Variants in PTPRN2 observed in about 807,000 individuals in gnomAD.
PTPRN2 encodes protein tyrosine phosphatase receptor type N2.
In PTPRN2, 74 loss-of-function variants were observed where a neutral mutation model predicts 118.8. That is an observed-to-expected ratio of 0.62 (90% CI 0.52 to 0.76). The LOEUF is 0.76. Ranked by LOEUF, PTPRN2 falls within the 30% of genes least tolerant of loss-of-function variation. PTPRN2 has a pLI of 0.00. For synonymous variants in PTPRN2, 641 were observed against 608.0 expected, an observed-to-expected ratio of 1.05 and a Z score of -0.80; for missense variants, 1,481 against 1,394.4, an observed-to-expected ratio of 1.06 and a Z score of -0.99.
chr7:157,773,906 T>C (rs1265980530), intron 12 of PTPRN2, among the ~76,000 whole-genome samples: 16 of 152,378 alleles, frequency 1.1e-4, no homozygotes, highest in Non-Finnish European at 2.9e-5. Flanking sequence ...ACATCCTAAG[T>C]GTCATACAGA....
rs766087940 is a variant in PTPRN2, at chr7:157,935,550, TC to T, written c.1724-36814del. ...CTCTTCTCCGTCTTTCCCTTTACGTTCTTGAACAGATCTGGAATTGTTGTTA... is the reference window on the plus strand; with the variant it reads ...CTCTTCTCCGTCTTTCCCTTTACGTTTTGAACAGATCTGGAATTGTTGTTA... On this transcript the variant is annotated intron_variant, in intron 11 of 22. Coordinates refer to ENST00000389418, the MANE Select transcript of PTPRN2 (RefSeq NM_002847.5). Among the ~76,000 whole-genome samples, 3 of 152,232 alleles carry T rather than the reference TC, an allele frequency of 2.0e-5. No homozygotes were observed. The South Asian group carries it at 6.2e-4, about 31-fold the overall frequency.
chr7:157,643,504 G>T (rs370758409), intron 14 of PTPRN2, among the ~76,000 whole-genome samples: 22 of 152,356 alleles, frequency 1.4e-4, no homozygotes, highest in East Asian at 1.2e-3. Context: ...TGTGGCGGAG[G>T]TGTGGGGGCT....
At chr7:158,071,627 CGTGGTGGTGGAGATG>C (rs1563392510) in intron 11 of PTPRN2, among the ~76,000 whole-genome samples, 1 of 86,632 alleles carries the variant, frequency 1.2e-5, no homozygotes. Context: ...TGGAGGTGCT[CGTGGTGGTGGAGATG>C]CTCGTGGTGA....
At chr7:158,352,845 C>T (rs1808108247) in intron 2 of PTPRN2, among the ~76,000 whole-genome samples, 2 of 152,244 alleles carry the variant, frequency 1.3e-5, no homozygotes, top group South Asian at 4.1e-4. Flanking sequence ...GAGACATTAA[C>T]CTTTCTGAGC....
At position 157,869,364 on chromosome 7, in the gene PTPRN2, A is replaced by G. The variant is rs1029756753; in HGVS notation, c.1788+29309T>C. Among the ~76,000 whole-genome samples the G allele has an allele frequency of 6.6e-6, 1 of 152,262 alleles. No individual in the cohort carries two copies. On this transcript the variant is annotated intron_variant, in intron 12 of 22. Coordinates refer to ENST00000389418, the MANE Select transcript of PTPRN2 (RefSeq NM_002847.5). The surrounding 1 kb of genome is among the most constrained non-coding windows in gnomAD (Gnocchi z 4.2). ...AGTTACACTTAATGCCAAAGTAAAG[A>G]AAAAGTTTACATTTTTCCTGAGTTA...
rs574774322 is a variant in PTPRN2, at chr7:158,227,729, A to C, written c.278-22456T>G. ...GCTGGTGAGCAGAGTGTGAAGGATG[A>C]TCCCATGCAGGAAGCCTGTAGGCTT... On this transcript the variant is annotated intron_variant, in intron 3 of 22. Transcript: ENST00000389418. Among the ~76,000 whole-genome samples the C allele has an allele frequency of 1.5e-4, 22 of 151,318 alleles. 1 individual carries two copies. The South Asian group carries it at 4.4e-3, about 30-fold the overall frequency.
chr7:158,264,960 C>T (rs911191576), intron 3 of PTPRN2, among the ~76,000 whole-genome samples: 1 of 152,074 alleles, frequency 6.6e-6, no homozygotes, highest in Admixed American at 6.5e-5. Context: ...CCCTCACCTG[C>T]TAGAGCAGTC....
In PTPRN2 at chr7:157,585,537, A is replaced by G. The variant is rs1800628140; in HGVS notation, c.2497-7397T>C. ...TGTGACCACCGTGGGTGCCTTTGTGATCAGGCATTGGACCCGCACAGGAAG... is the reference window on the plus strand; with the variant it reads ...TGTGACCACCGTGGGTGCCTTTGTGGTCAGGCATTGGACCCGCACAGGAAG... On this transcript the variant is annotated intron_variant, in intron 17 of 22. Transcript: ENST00000389418. The surrounding 1 kb of genome is among the most constrained non-coding windows in gnomAD (Gnocchi z 5.2). Among the ~76,000 whole-genome samples the G allele has an allele frequency of 1.3e-5, 2 of 152,148 alleles. No individual in the cohort carries two copies. The highest frequency in any genetic ancestry group is 1.3e-4 in the Admixed American group (2 of 15,274).
chr7:158,085,236 C>T (rs1046935033), intron 10 of PTPRN2, among the ~76,000 whole-genome samples: 1 of 136,578 alleles, frequency 7.3e-6, no homozygotes, highest in African/African-American at 2.9e-5. Flanking sequence ...CCATCCACAC[C>T]CACGACACCC....
chr7:158,461,739 G>A (rs1248438317), intron 2 of PTPRN2, among the ~76,000 whole-genome samples: 1 of 152,216 alleles, frequency 6.6e-6, no homozygotes, highest in East Asian at 1.9e-4. Flanking sequence ...GAGGCTGACT[G>A]CACTGTTCCC....
chr7:158,492,956 GGCCAAGAAGCTAAATC>G, intron 1 of PTPRN2, among the ~76,000 whole-genome samples: 1 of 152,356 alleles, frequency 6.6e-6, no homozygotes, highest in African/African-American at 2.4e-5. Context: ...GTCATTCTGA[GGCCAAGAAGCTAAATC>G]CACAAGGAAA....
At chr7:157,669,928 A>G (rs1417925085) in intron 13 of PTPRN2, among the ~76,000 whole-genome samples, 1 of 151,994 alleles carries the variant, frequency 6.6e-6, no homozygotes, top group Non-Finnish European at 1.5e-5. Flanking sequence ...CCCACACTCA[A>G]GAGCAGAAGT....
At chr7:157,563,578 C>T (rs566236099) in intron 21 of PTPRN2, among the ~76,000 whole-genome samples, 5 of 141,414 alleles carry the variant, frequency 3.5e-5, no homozygotes, top group East Asian at 4.5e-4. Context: ...ATCAGGACCA[C>T]GTGCTCCCGC....
At chr7:158,067,829 A>G (rs1410615021) in intron 11 of PTPRN2, among the ~76,000 whole-genome samples, 4 of 150,934 alleles carry the variant, frequency 2.7e-5, no homozygotes, top group South Asian at 2.1e-4. Context: ...TGGGCAGCAC[A>G]CTGGGTCACG....
intron 3 of PTPRN2, among the ~76,000 whole-genome samples, chr7:158,206,700 C>T (rs1308485915): frequency 4.6e-5 from 7 of 152,136 alleles, no homozygotes; most frequent in African/African-American, 1.7e-4. Flanking sequence ...GAGTCTGAAA[C>T]AGCCATGAAA....
chr7:158,131,309 C>A (rs562731821), intron 9 of PTPRN2, among the ~76,000 whole-genome samples: 1 of 144,216 alleles, frequency 6.9e-6, no homozygotes, highest in East Asian at 2.1e-4. Flanking sequence ...TAAAAATACA[C>A]ATCTACCCCA....
chr7:157,648,846 C>G (rs1193176937), intron 14 of PTPRN2, among the ~76,000 whole-genome samples: 4 of 130,464 alleles, frequency 3.1e-5, no homozygotes, highest in Admixed American at 1.6e-4. Flanking sequence ...TCGGACCCAT[C>G]CAGCGTGCAC....
intron 12 of PTPRN2, among the ~76,000 whole-genome samples, chr7:157,821,736 G>C (rs1291157033): frequency 6.6e-6 from 1 of 152,158 alleles, no homozygotes; most frequent in Non-Finnish European, 1.5e-5. Flanking sequence ...GAGGTAGATG[G>C]AGGATTGGGG....
At chr7:157,655,552 C>T (rs1037964792) in intron 14 of PTPRN2, among the ~76,000 whole-genome samples, 66 of 152,204 alleles carry the variant, frequency 4.3e-4, no homozygotes, top group African/African-American at 1.4e-3. Flanking sequence ...AATGGTACGG[C>T]GAAGAATGTT....
Sources: gnomAD v4.1 joint callset for allele counts (sites outside exome capture counted in the v4.1 genomes callset) on GRCh38, gnomAD v4.1.1 for gene constraint, Gnocchi (gnomAD v3.1) non-coding constraint, MANE v1.5 for transcripts, NCBI Gene and HGNC (gene_info 2026-07-23, HGNC 2026-07-21) for gene names.